The following PARPBP variants were observed in gnomAD, a reference collection of about 807,000 sequenced individuals.
The protein encoded by PARPBP is PARP1 binding protein, also known as PCNA-interacting partner.
PARPBP carries 52 observed loss-of-function variants against 50.0 expected under a neutral mutation model. The observed-to-expected ratio is 1.04, with a 90% CI of 0.83 to 1.31. The LOEUF (loss-of-function observed/expected upper bound fraction) is 1.31, where lower values mean the gene tolerates loss of function less well. Ranked by LOEUF, PARPBP falls within the 50% of genes most tolerant of loss-of-function variation. PARPBP has a pLI of 0.00. For missense variants in PARPBP, 697 were observed against 672.0 expected (o/e 1.04, Z -0.41); for synonymous variants, 244 against 232.1 (o/e 1.05, Z -0.47).
intron 7 of PARPBP, among the ~76,000 whole-genome samples, chr12:102,177,245 T>A (rs1442349616): frequency 6.6e-6 from 1 of 152,150 alleles, no homozygotes; most frequent in Non-Finnish European, 1.5e-5. Flanking sequence ...AAGATGATAT[T>A]GATGAAAGCT....
chr12:102,155,605 G>GGC (rs1555216807), intron 4 of PARPBP, among the ~76,000 whole-genome samples: 6 of 110,820 alleles, frequency 5.4e-5, no homozygotes, highest in African/African-American at 1.6e-4. Flanking sequence ...GGGGGGGGGG[G>GGC]GCGGGGACAA....
intron 6 of PARPBP, among the ~76,000 whole-genome samples, chr12:102,167,148 C>T (rs1015269801): frequency 1.3e-5 from 2 of 152,074 alleles, no homozygotes; most frequent in African/African-American, 4.8e-5. Flanking sequence ...TCATCCTCAC[C>T]TCGTGAAACA....
intron 2 of PARPBP, 32 bp from the exon 3 acceptor site, chr12:102,148,198 A>AT (rs76358859): frequency 0.039 from 27,753 of 709,482 alleles, 1 homozygote; most frequent in Non-Finnish European, 0.045. Context: ...ACCCAACTTT[A>AT]TTTTTTTTTT....
chr12:102,180,531 T>TA (rs967624272), intron 8 of PARPBP, among the ~76,000 whole-genome samples: 4 of 152,134 alleles, frequency 2.6e-5, no homozygotes, highest in African/African-American at 9.7e-5. Context: ...AGTAAGACTC[T>TA]ATCTCTGCAA....
intron 6 of PARPBP, among the ~76,000 whole-genome samples, chr12:102,167,857 C>G (rs1455375299): frequency 6.6e-6 from 1 of 152,108 alleles, no homozygotes; most frequent in Non-Finnish European, 1.5e-5. Flanking sequence ...AGACTGACTG[C>G]TCAGAATAGA....
intron 4 of PARPBP, among the ~76,000 whole-genome samples, chr12:102,155,957 G>A (rs991718039): frequency 5.9e-5 from 9 of 152,032 alleles, no homozygotes; most frequent in Admixed American, 3.9e-4. Flanking sequence ...TGGGTTCCAC[G>A]GTTCTCTTCC....
intron 4 of PARPBP, among the ~76,000 whole-genome samples, chr12:102,156,175 C>CTTTTT (rs1565879054): frequency 1.1e-5 from 1 of 90,196 alleles, no homozygotes; most frequent in Non-Finnish European, 2.2e-5. Context: ...AATTAACCTT[C>CTTTTT]CTTTTTTTTT....
intron 9 of PARPBP, among the ~76,000 whole-genome samples, chr12:102,187,340 G>A (rs1890389159): frequency 6.6e-6 from 1 of 152,110 alleles, no homozygotes; most frequent in Non-Finnish European, 1.5e-5. Flanking sequence ...GAACTAAGGT[G>A]TGCATTCCTT....
intron 4 of PARPBP, among the ~76,000 whole-genome samples, chr12:102,156,413 C>T (rs1416700471): frequency 7.3e-5 from 11 of 151,104 alleles, no homozygotes; most frequent in African/African-American, 9.7e-5. Context: ...AGGTTGGTCT[C>T]AATCTCCTGA....
chr12:102,122,904 T>C (rs1881379328), intron 1 of PARPBP, among the ~76,000 whole-genome samples: 1 of 152,244 alleles, frequency 6.6e-6, no homozygotes. Flanking sequence ...TCCTAAATAT[T>C]AGTTATTTTA....
At chr12:102,127,706 A>G (rs1882223245) in intron 2 of PARPBP, among the ~76,000 whole-genome samples, 2 of 152,186 alleles carry the variant, frequency 1.3e-5, no homozygotes, top group Admixed American at 6.5e-5. Flanking sequence ...GTGTGCAATA[A>G]TTAAATAGCT....
intron 6 of PARPBP, among the ~76,000 whole-genome samples, chr12:102,167,412 CT>C (rs1888253318): frequency 1.3e-5 from 2 of 151,898 alleles, no homozygotes; most frequent in African/African-American, 4.8e-5. Context: ...CTGTTTTTTA[CT>C]TTCTTTTTTT....
At chr12:102,164,736 A>T in intron 5 of PARPBP, 128 bp downstream of exon 5, 1 of 756,794 alleles carries the variant, frequency 1.3e-6, no homozygotes, top group South Asian at 1.6e-5. Context: ...GTATTTGAAA[A>T]TCCATGGTAT....
At chr12:102,185,637 C>T (rs542219378) in intron 9 of PARPBP, among the ~76,000 whole-genome samples, 3 of 152,150 alleles carry the variant, frequency 2.0e-5, no homozygotes, top group African/African-American at 7.2e-5. Flanking sequence ...CCATTGGGCC[C>T]TGGGCTTTTC....
chr12:102,191,433 A>G (rs1858171), intron 9 of PARPBP, among the ~76,000 whole-genome samples: 3,935 of 152,296 alleles, frequency 0.026, 141 homozygotes, highest in African/African-American at 0.078. Context: ...ATGTAAAAAT[A>G]AGGTAAACTT....
chr12:102,130,869 C>A (rs569829894), intron 2 of PARPBP, among the ~76,000 whole-genome samples: 2 of 149,992 alleles, frequency 1.3e-5, no homozygotes, highest in African/African-American at 2.4e-5. Flanking sequence ...AAAAAAAAAA[C>A]CTAAAAAAAA....
rs1027964834 is a variant in PARPBP at position 102,132,231 on chromosome 12, T to C, written c.153+8190T>C. The stretch of plus-strand genomic sequence containing the variant: ...GTCTCAAAAAAAAAAAAAAAGAATC[T>C]GTACAACAAACCCCTATGACATGAA... On this transcript the variant is annotated intron_variant, in intron 2 of 10. Coordinates refer to ENST00000327680, the MANE Select transcript of PARPBP (RefSeq NM_017915.5). Among the ~76,000 whole-genome samples, 7 of 150,954 alleles carry C rather than the reference T, an allele frequency of 4.6e-5. No homozygotes were observed. The South Asian group carries it at 6.2e-4, about 13-fold the overall frequency.
At chr12:102,151,939 T>G in intron 3 of PARPBP, 1 of 622,382 alleles carries the variant, frequency 1.6e-6, no homozygotes, top group South Asian at 2.0e-5. Context: ...ACCTCCGAAG[T>G]CCAGGCATCT....
intron 1 of PARPBP, 90 bp downstream of exon 1, chr12:102,120,376 C>A: frequency 2.2e-6 from 1 of 446,282 alleles, no homozygotes; most frequent in Non-Finnish European, 4.5e-6. Context: ...ACTGTAATAC[C>A]TCGGTCGTAG....
Sources: gnomAD v4.1 joint callset for allele counts (sites outside exome capture counted in the v4.1 genomes callset) on GRCh38, gnomAD v4.1.1 for gene constraint, MANE v1.5 for transcripts, NCBI Gene and HGNC (gene_info 2026-07-23, HGNC 2026-07-21) for gene names.